The following SPOPL variants were observed in gnomAD, a reference collection of about 807,000 sequenced individuals.
The protein encoded by SPOPL is speckle-type POZ protein-like.
SPOPL carries 23 observed loss-of-function variants against 53.8 expected under a neutral mutation model. The ratio of observed to expected loss-of-function variants is 0.43; its 90% CI spans 0.31 to 0.61. The LOEUF (loss-of-function observed/expected upper bound fraction) is 0.61, where lower values mean the gene tolerates loss of function less well. Ranked by LOEUF, SPOPL falls within the 20% of genes least tolerant of loss-of-function variation. The probability of loss-of-function intolerance (pLI) is 0.12; values close to 1 mark genes in which losing one functional copy is unlikely to be tolerated. For missense variants in SPOPL, 442 were observed against 466.9 expected, an observed-to-expected ratio of 0.95 and a Z score of 0.49; for synonymous variants, 164 against 149.7, an observed-to-expected ratio of 1.10 and a Z score of -0.70.
intron 5 of SPOPL, among the ~76,000 whole-genome samples, chr2:138,554,881 C>T (rs1464294398): frequency 6.6e-6 from 1 of 152,026 alleles, no homozygotes; most frequent in South Asian, 2.1e-4. Flanking sequence ...TTTTTCCCAT[C>T]CTGTTTATCT....
chr2:138,538,094 A>T (rs1426956661), intron 1 of SPOPL, among the ~76,000 whole-genome samples: 4 of 152,132 alleles, frequency 2.6e-5, no homozygotes, highest in African/African-American at 4.8e-5. Context: ...TATAATTTAA[A>T]TTTTTTTAAA....
chr2:138,529,142 G>GA (rs1281066577), intron 1 of SPOPL, among the ~76,000 whole-genome samples: 6 of 152,136 alleles, frequency 3.9e-5, no homozygotes, highest in Admixed American at 3.9e-4. Context: ...TATTTGGGGA[G>GA]AAAAATTATG....
intron 1 of SPOPL, among the ~76,000 whole-genome samples, chr2:138,539,795 T>G (rs1685026442): frequency 6.6e-6 from 1 of 152,248 alleles, no homozygotes; most frequent in Non-Finnish European, 1.5e-5. Context: ...TGCCATTGCT[T>G]TTGGTGTTTT....
chr2:138,551,920 T>G (rs2104893091), intron 4 of SPOPL, among the ~76,000 whole-genome samples: 1 of 152,150 alleles, frequency 6.6e-6, no homozygotes, highest in Non-Finnish European at 1.5e-5. Flanking sequence ...AGATGTTTAT[T>G]AAATCTATTA....
chr2:138,519,238 CT>C (rs1159470925), intron 1 of SPOPL, among the ~76,000 whole-genome samples: 2 of 152,036 alleles, frequency 1.3e-5, no homozygotes, highest in Non-Finnish European at 2.9e-5. Flanking sequence ...TAATTCTTTA[CT>C]AGTGGTTGAC....
At chr2:138,517,328 T>C (rs182088861) in intron 1 of SPOPL, among the ~76,000 whole-genome samples, 1 of 152,330 alleles carries the variant, frequency 6.6e-6, no homozygotes, top group East Asian at 1.9e-4. Flanking sequence ...ACACCTCTGA[T>C]CTCTGACTGC....
chr2:138,565,737 T>G (rs896509903), intron 10 of SPOPL, among the ~76,000 whole-genome samples: 30 of 144,506 alleles, frequency 2.1e-4, no homozygotes, highest in Non-Finnish European at 4.3e-4. Flanking sequence ...AAGTGGGAAT[T>G]TTTTTTTTTT....
intron 10 of SPOPL, among the ~76,000 whole-genome samples, 199 bp downstream of exon 10, chr2:138,565,192 C>T (rs1053390221): frequency 3.9e-5 from 6 of 152,194 alleles, no homozygotes; most frequent in African/African-American, 1.2e-4. Context: ...AATGCAACCT[C>T]GGATGGATGC....
chr2:138,556,844 T>C (rs965958075), intron 5 of SPOPL, among the ~76,000 whole-genome samples: 1 of 152,154 alleles, frequency 6.6e-6, no homozygotes, highest in Non-Finnish European at 1.5e-5. Flanking sequence ...CAGAAAAATA[T>C]TGTACGAAGA....
At chr2:138,564,128 G>A (rs924702513) in intron 8 of SPOPL, among the ~76,000 whole-genome samples, 38 of 152,318 alleles carry the variant, frequency 2.5e-4, no homozygotes, top group Admixed American at 7.8e-4. Context: ...TTACAAAGAT[G>A]TAGAGGGAAA....
Position 138,570,883 on chromosome 2 carries a change from T to A in SPOPL, c.*1803T>A. The A allele has an allele frequency of 6.6e-6, 1 of 152,164 alleles. No homozygotes were observed. Among genetic ancestry groups the A allele is most frequent in the East Asian group, 1.9e-4 (1 of 5,192 alleles). 9.4% of individuals were successfully genotyped at this position (152,164 alleles called of 1,614,324 possible). ...AACCTAGAGTTTAAAAAGATCGTAT[T>A]TTCACCTGTCTTCATTACTTTCTAT... is the stretch of plus-strand genomic sequence containing the variant. On this transcript the variant is annotated 3_prime_UTR_variant, in exon 11 of 11. Coordinates refer to ENST00000280098, the MANE Select transcript of SPOPL (RefSeq NM_001001664.3).
rs1218733818 is a variant in SPOPL at position 138,564,993 on chromosome 2, A to G, written c.1034A>G (p.Asn345Ser). The G allele has an allele frequency of 6.2e-7, 1 of 1,613,988 alleles. No homozygotes were observed. The highest frequency in any genetic ancestry group is 8.5e-7 in the Non-Finnish European group (1 of 1,179,980). Residue 345 changes from asparagine to serine, a missense_variant and splice_region_variant, in exon 10 of 11, where the codon AAC becomes AGC. Coordinates refer to ENST00000280098, the MANE Select transcript of SPOPL (RefSeq NM_001001664.3). ...AAAGATGGGAAAAACTGGAACAGCAAGTAAGATGACATCAGTTTCTGACTC... is the reference window on the plus strand; with the variant it reads ...AAAGATGGGAAAAACTGGAACAGCAGGTAAGATGACATCAGTTTCTGACTC... ...GCKDGKNWNS[N>S]QATDIMETSG...
intron 10 of SPOPL, among the ~76,000 whole-genome samples, chr2:138,567,918 A>G (rs1346400480): frequency 6.6e-6 from 1 of 152,344 alleles, no homozygotes; most frequent in East Asian, 1.9e-4. Context: ...TGGTGAGAGC[A>G]TAGTGTACAT....
chr2:138,544,610 C>T (rs146461840), intron 1 of SPOPL, among the ~76,000 whole-genome samples: 4,394 of 152,246 alleles, frequency 0.029, 96 homozygotes, highest in Non-Finnish European at 0.046. Flanking sequence ...GGGAGTGACC[C>T]GATTTTCCAG....
chr2:138,513,935 G>C (rs1684383942), intron 1 of SPOPL, among the ~76,000 whole-genome samples: 2 of 152,024 alleles, frequency 1.3e-5, no homozygotes, highest in Non-Finnish European at 2.9e-5. Context: ...GGCATCAAGG[G>C]GGCTCATTTA....
At chr2:138,525,656 G>GA (rs71406327) in intron 1 of SPOPL, among the ~76,000 whole-genome samples, 9,803 of 29,952 alleles carry the variant, frequency 0.33, 526 homozygotes, top group Middle Eastern at 0.4. Flanking sequence ...ATAAAAAGTA[G>GA]AAAAAAAAAA....
rs1292191265 is a variant in SPOPL at position 138,571,591 on chromosome 2, T to G, written c.*2511T>G. On this transcript the variant is annotated 3_prime_UTR_variant, in exon 11 of 11. Coordinates refer to ENST00000280098, the MANE Select transcript of SPOPL (RefSeq NM_001001664.3). Reference sequence around the variant, plus strand: ...GTATTGTGGGTTCTTGAGGCAATGATAAAAACACTTAATGTATTCTGACAT... The same window carrying G: ...GTATTGTGGGTTCTTGAGGCAATGAGAAAAACACTTAATGTATTCTGACAT... 6.6e-6 allele frequency: 1 copy of G among 152,546 alleles called. No homozygotes were observed. The highest frequency in any genetic ancestry group is 2.4e-5 in the African/African-American group (1 of 41,442). The allele number at this position is 152,546 out of a possible 1,614,324, so 9.4% of individuals were successfully genotyped here. A position where few individuals can be genotyped will look rare whatever the true frequency, so the allele number is the denominator to read the frequency against.
chr2:138,537,274 T>A (rs1437593891), intron 1 of SPOPL, among the ~76,000 whole-genome samples: 1 of 152,078 alleles, frequency 6.6e-6, no homozygotes, highest in Non-Finnish European at 1.5e-5. Context: ...GAGTGAGCAA[T>A]TTCTGTCCCT....
At chr2:138,526,803 T>A (rs1315505234) in intron 1 of SPOPL, among the ~76,000 whole-genome samples, 1 of 151,354 alleles carries the variant, frequency 6.6e-6, no homozygotes, top group African/African-American at 2.4e-5. Context: ...CTTGGCTCAC[T>A]GCAACCTCCA....
Sources: gnomAD v4.1 joint callset for allele counts (sites outside exome capture counted in the v4.1 genomes callset) on GRCh38, gnomAD v4.1.1 for gene constraint, MANE v1.5 for transcripts, NCBI Gene and HGNC (gene_info 2026-07-23, HGNC 2026-07-21) for gene names.